KNL1: variants seen among roughly 807,000 people sequenced by gnomAD.
KNL1 encodes kinetochore scaffold 1.
In KNL1, 66 loss-of-function variants were observed where a neutral mutation model predicts 201.3. That is an observed-to-expected ratio of 0.33 (90% CI 0.27 to 0.40). The LOEUF is 0.40. Ranked by LOEUF, KNL1 falls within the 10% of genes least tolerant of loss-of-function variation. KNL1 has a pLI of 1.00. For synonymous variants in KNL1, 895 were observed against 899.2 expected, an observed-to-expected ratio of 1.00 and a Z score of 0.08; for missense variants, 2,815 against 2,690.5, an observed-to-expected ratio of 1.05 and a Z score of -1.02.
In KNL1 at chr15:40,625,538, T is replaced by C; in HGVS notation, c.5274T>C (p.Asn1758=). 6.2e-7 allele frequency: 1 copy of C among 1,607,196 alleles called. No individual in the cohort carries two copies. The highest frequency in any genetic ancestry group is 8.5e-7 in the Non-Finnish European group (1 of 1,178,358). ...PYENKMGKTC[N]SQKRTWVQEE... Reference sequence around the variant, plus strand: ...AAAATAAAATGGGAAAAACTTGCAATAGCCAAAAAAGAACGTGGGTACAAG... The same window carrying C: ...AAAATAAAATGGGAAAAACTTGCAACAGCCAAAAAAGAACGTGGGTACAAG... The change falls in exon 10 of 26, where the codon AAT becomes AAC. Residue 1758 remains asparagine (N), a synonymous_variant. Coordinates refer to ENST00000399668, the MANE Select transcript of KNL1 (RefSeq NM_144508.5).
In KNL1 at chr15:40,657,157, G is replaced by A. The variant is rs745344020; in HGVS notation, c.6594+6G>A. 4.5e-6 allele frequency: 7 copies of A among 1,539,654 alleles called. No individual in the cohort carries two copies. In the South Asian group the frequency reaches 4.7e-5, roughly 10 times the overall value. ...CCCAGCATCAGTTACCCAAGGTAAA[G>A]CCCGATTGAAGTATTTAAAGGAAAA... On this transcript the variant is annotated splice_donor_region_variant and intron_variant, in intron 23 of 25. Coordinates refer to ENST00000399668, the MANE Select transcript of KNL1 (RefSeq NM_144508.5).
Position 40,624,965 on chromosome 15 carries a change from A to G in KNL1, c.4701A>G (p.Lys1567=). 2 of 1,613,942 alleles carry G rather than the reference A, an allele frequency of 1.2e-6. No homozygotes were observed. Among genetic ancestry groups the G allele is most frequent in the Non-Finnish European group, 1.7e-6 (2 of 1,179,966 alleles). The change falls in exon 10 of 26, where the codon AAA becomes AAG. Residue 1567 remains lysine, a synonymous_variant. Transcript: ENST00000399668. ...CAAATCTGAATAATTTGAATGGAAA[A>G]ACTGGAGAGTTTTTAGCCTTTCAAA... ...IKPNLNNLNG[K]TGEFLAFQTV... is the part of the protein sequence containing the mutation.
chr15:40,657,251 A>T, intron 23 of KNL1, 100 bp downstream of exon 23: 1 of 1,004,324 alleles, frequency 1.0e-6, no homozygotes, highest in Non-Finnish European at 1.6e-6. Flanking sequence ...CTGAAATGAT[A>T]AATGTATTCA....
At chr15:40,602,411 C>T (rs1438147389) in intron 1 of KNL1, among the ~76,000 whole-genome samples, 1 of 150,398 alleles carries the variant, frequency 6.6e-6, no homozygotes, top group African/African-American at 2.4e-5. Flanking sequence ...GCTGAGATTA[C>T]AGGCATGAGC....
intron 13 of KNL1, among the ~76,000 whole-genome samples, chr15:40,634,521 A>G: frequency 6.6e-6 from 1 of 152,336 alleles, no homozygotes. Context: ...AGAATTATAT[A>G]TTTGAATGTG....
intron 1 of KNL1, among the ~76,000 whole-genome samples, chr15:40,598,846 C>G (rs1433669928): frequency 1.3e-5 from 2 of 152,044 alleles, no homozygotes; most frequent in Non-Finnish European, 2.9e-5. Flanking sequence ...CTCTGTTGCC[C>G]AGGCTGGAGT....
At chr15:40,600,274 C>T (rs963679059) in intron 1 of KNL1, among the ~76,000 whole-genome samples, 8 of 152,138 alleles carry the variant, frequency 5.3e-5, no homozygotes, top group African/African-American at 1.9e-4. Flanking sequence ...GGGGTTTCAC[C>T]ATGTTGGCCA....
At chr15:40,658,618 A>G (rs1023630715) in intron 24 of KNL1, among the ~76,000 whole-genome samples, 1 of 150,926 alleles carries the variant, frequency 6.6e-6, no homozygotes, top group South Asian at 2.1e-4. Context: ...TAAGTTGGAC[A>G]TGCCAGTGTG....
intron 14 of KNL1, among the ~76,000 whole-genome samples, chr15:40,642,187 C>G (rs890122946): frequency 6.6e-6 from 1 of 152,136 alleles, no homozygotes; most frequent in African/African-American, 2.4e-5. Context: ...ATCACGAGGT[C>G]AGGAGATCGA....
chr15:40,640,816 A>G lies in KNL1; in HGVS notation c.5683-96A>G. On this transcript the variant is annotated intron_variant, in intron 13 of 25. Coordinates refer to ENST00000399668, the MANE Select transcript of KNL1 (RefSeq NM_144508.5). ...GAGTATTCAAATTTTTCTTTGTAGA[A>G]CATTTTAAAATAGGCACTCTGAAAT... 1.1e-5 allele frequency: 8 copies of G among 761,820 alleles called. No individual in the cohort carries two copies. In the South Asian group the frequency reaches 1.2e-4, roughly 12 times the overall value. The allele number at this position is 761,820 out of a possible 1,614,324, so 47.2% of individuals were successfully genotyped here.
At chr15:40,639,985 A>T (rs1447542550) in intron 13 of KNL1, among the ~76,000 whole-genome samples, 2 of 152,008 alleles carry the variant, frequency 1.3e-5, no homozygotes, top group African/African-American at 4.8e-5. Flanking sequence ...AGGCAGGAAG[A>T]TCGCTTGAGC....
At position 40,659,474 on chromosome 15, in the gene KNL1, C is replaced by T; in HGVS notation, c.6836+13C>T. ...TTGGGAACACTAGGTGAGTAAAGGG[C>T]CAACAGGGTAAGACTCTGGGCTACT... On this transcript the variant is annotated intron_variant, in intron 25 of 25. Transcript: ENST00000399668. 6.2e-7 allele frequency: 1 copy of T among 1,610,246 alleles called. No homozygotes were observed.
intron 22 of KNL1, among the ~76,000 whole-genome samples, chr15:40,656,295 T>C (rs1308786798): frequency 2.0e-5 from 3 of 151,808 alleles, no homozygotes; most frequent in Non-Finnish European, 2.9e-5. Flanking sequence ...TAGCTGGGCA[T>C]TGTGGTGTGT....
intron 13 of KNL1, among the ~76,000 whole-genome samples, chr15:40,636,391 T>C (rs1384892777): frequency 6.6e-6 from 1 of 152,228 alleles, no homozygotes; most frequent in East Asian, 1.9e-4. Flanking sequence ...GGGAATGTGG[T>C]CTTGTGCTTC....
intron 13 of KNL1, among the ~76,000 whole-genome samples, chr15:40,634,235 T>C (rs912202639): frequency 3.3e-5 from 5 of 152,172 alleles, no homozygotes; most frequent in Middle Eastern, 3.4e-3. Flanking sequence ...GCCTCCCAAA[T>C]ACCTGGGATT....
At chr15:40,616,695 C>T (rs1184286531) in intron 8 of KNL1, among the ~76,000 whole-genome samples, 3 of 152,150 alleles carry the variant, frequency 2.0e-5, no homozygotes, top group Non-Finnish European at 4.4e-5. Flanking sequence ...TCCTTCCAAT[C>T]CATTCTCCAT....
chr15:40,606,404 C>A lies in KNL1; in HGVS notation c.87C>A (p.Pro29=). Reference sequence around the variant, plus strand: ...AATTGTTACCCTAGATATTGAAACCCCCAAGGAGTCCTCTTCAGGACCTCA... The same window carrying A: ...AATTGTTACCCTAGATATTGAAACCACCAAGGAGTCCTCTTCAGGACCTCA... ...VRRRHSSILK[P]PRSPLQDLRG... is the part of the protein sequence containing the mutation. The change falls in exon 4 of 26, where the codon CCC becomes CCA. Residue 29 remains proline (P), a synonymous_variant. Transcript: ENST00000399668. 6.3e-7 allele frequency: 1 copy of A among 1,575,834 alleles called. No homozygotes were observed. Among genetic ancestry groups the A allele is most frequent in the Non-Finnish European group, 8.7e-7 (1 of 1,146,126 alleles).
chr15:40,645,508 T>TCC, intron 15 of KNL1, 148 bp from the exon 16 acceptor site: 1 of 433,150 alleles, frequency 2.3e-6, no homozygotes, highest in Non-Finnish European at 4.1e-6. Context: ...CTGAAATCTT[T>TCC]TTTCTGGTCT....
Position 40,625,597 on chromosome 15 carries a change from G to GA in KNL1, c.5339dup (p.Asn1780LysfsTer2). Reference sequence around the variant, plus strand: ...GATATTCATAAGGAGAAAAAAATCAGAAAAAATGAGATTAAGTTTAGTGAT... The same window carrying GA: ...GATATTCATAAGGAGAAAAAAATCAGAAAAAAATGAGATTAAGTTTAGTGAT... On this transcript the variant is annotated frameshift_variant, in exon 10 of 26. Coordinates refer to ENST00000399668, the MANE Select transcript of KNL1 (RefSeq NM_144508.5). LOFTEE classifies it high-confidence loss of function. 2 of 1,609,228 alleles carry GA rather than the reference G, an allele frequency of 1.2e-6. No individual in the cohort carries two copies. The highest frequency in any genetic ancestry group is 1.7e-6 in the Non-Finnish European group (2 of 1,178,846).
Sources: allele counts gnomAD v4.1 joint callset (sites outside exome capture counted in the v4.1 genomes callset), GRCh38; gene constraint gnomAD v4.1.1; transcripts MANE v1.5; gene names NCBI Gene and HGNC (gene_info 2026-07-23, HGNC 2026-07-21).